The following ENDOU variants were observed in gnomAD, a reference collection of about 807,000 sequenced individuals.
ENDOU encodes the protein uridylate-specific endoribonuclease.
In ENDOU, 49 loss-of-function variants were observed where a neutral mutation model predicts 54.2. That is an observed-to-expected ratio of 0.90 (90% CI 0.72 to 1.15). The LOEUF is 1.15. ENDOU is among the 50% of genes most tolerant of loss of function. ENDOU has a pLI of 0.00. For missense variants in ENDOU, 458 were observed against 511.4 expected (o/e 0.90, Z 1.01); for synonymous variants, 172 against 190.5 (o/e 0.90, Z 0.80).
chr12:47,710,979 C>G (rs1219095672), intron 9 of ENDOU, 60 bp from the exon 10 acceptor site: 1 of 1,175,218 alleles, frequency 8.5e-7, no homozygotes, highest in Non-Finnish European at 1.2e-6. Flanking sequence ...TCTCCCTGGG[C>G]TGGAAGGATC....
chr12:47,725,432 A>G lies in ENDOU; in HGVS notation c.-19T>C, dbSNP rs1940555597. On this transcript the variant is annotated 5_prime_UTR_variant, in exon 1 of 10. Transcript: ENST00000422538. The stretch of plus-strand genomic sequence containing the variant: ...CCCTCATGGTGCCCAGTTGGAGGCC[A>G]AAAAGGGAGTGGCTGTTGGACTTTC... The G allele has an allele frequency of 6.2e-7, 1 of 1,612,352 alleles. No individual in the cohort carries two copies. Among genetic ancestry groups the G allele is most frequent in the Non-Finnish European group, 8.5e-7 (1 of 1,178,684 alleles).
chr12:47,711,878 T>C, intron 8 of ENDOU, 103 bp from the exon 9 acceptor site: 1 of 1,295,510 alleles, frequency 7.7e-7, no homozygotes, highest in Non-Finnish European at 1.1e-6. Context: ...GAGGGTCCAT[T>C]AGGGGCCTGT....
chr12:47,723,604 C>A (rs1209955719), intron 1 of ENDOU, among the ~76,000 whole-genome samples: 1 of 152,178 alleles, frequency 6.6e-6, no homozygotes, highest in Non-Finnish European at 1.5e-5. Context: ...TTTCTCTGCA[C>A]TTTCTAAGAC....
chr12:47,717,005 CAG>C lies in ENDOU; in HGVS notation c.434_435del (p.Ser145Ter). ...TTGGTGTCTGCCCTGTAGATCTTCT[CAG>C]AGATGCTCTGAATCTCCTCTTTTGT... ...AITKEEIQSI[S>X]EKIYRADTNK... On this transcript the variant is annotated frameshift_variant, in exon 5 of 10. Coordinates refer to ENST00000422538, the MANE Select transcript of ENDOU (RefSeq NM_001172439.2). LOFTEE classifies it high-confidence loss of function. The C allele has an allele frequency of 6.2e-7, 1 of 1,614,124 alleles. No individual in the cohort carries two copies. Among genetic ancestry groups the C allele is most frequent in the South Asian group, 1.1e-5 (1 of 91,078 alleles).
chr12:47,723,446 C>T (rs1940496191), intron 1 of ENDOU, among the ~76,000 whole-genome samples: 1 of 152,160 alleles, frequency 6.6e-6, no homozygotes, highest in Non-Finnish European at 1.5e-5. Context: ...GTAAGCCTTG[C>T]TCCCCAAGCC....
chr12:47,711,634 CTT>C lies in ENDOU; in HGVS notation c.1112_1113del (p.Lys371SerfsTer63). ...YSLCFIARPG[K>X]VCQLSLGGYP... ...AGGCCTGGCTGGCCCCATTCTTACA[CTT>C]TGCCTGGCCTGGCGATGAAGCACAG... On this transcript the variant is annotated frameshift_variant and splice_region_variant, in exon 9 of 10. Coordinates refer to ENST00000422538, the MANE Select transcript of ENDOU (RefSeq NM_001172439.2). LOFTEE classifies it high-confidence loss of function. The C allele has an allele frequency of 6.2e-7, 1 of 1,613,132 alleles. No homozygotes were observed.
intron 7 of ENDOU, among the ~76,000 whole-genome samples, chr12:47,712,866 C>T (rs1940079918): frequency 6.6e-6 from 1 of 152,130 alleles, no homozygotes; most frequent in Non-Finnish European, 1.5e-5. Context: ...CTCTCTCAGC[C>T]ATTACTCCAG....
rs552638856 is a variant in ENDOU, at chr12:47,720,878, A to G, written c.56-3T>C. The G allele has an allele frequency of 2.0e-5, 30 of 1,535,992 alleles. No homozygotes were observed. The South Asian group carries it at 2.0e-4, about 10-fold the overall frequency. ...AGATGCACAGGATTCTATTTTTCCT[A>G]TGGGCAGTAAAGGTCACCAACTCAG... On this transcript the variant is annotated splice_region_variant and splice_polypyrimidine_tract_variant and intron_variant, in intron 1 of 9. Coordinates refer to ENST00000422538, the MANE Select transcript of ENDOU (RefSeq NM_001172439.2).
chr12:47,716,083 C>G (rs531843761), intron 6 of ENDOU, among the ~76,000 whole-genome samples: 1 of 152,200 alleles, frequency 6.6e-6, no homozygotes, highest in South Asian at 2.1e-4. Flanking sequence ...GGGTGATATC[C>G]AAGCCAGCCA....
chr12:47,723,470 A>C (rs1253938912), intron 1 of ENDOU, among the ~76,000 whole-genome samples: 1 of 152,160 alleles, frequency 6.6e-6, no homozygotes, highest in Non-Finnish European at 1.5e-5. Context: ...TGCCTGAATC[A>C]CTGCTGTAGT....
chr12:47,716,508 G>T lies in ENDOU; in HGVS notation c.552-9C>A, dbSNP rs1464636534. On this transcript the variant is annotated splice_polypyrimidine_tract_variant and intron_variant, in intron 5 of 9. Coordinates refer to ENST00000422538, the MANE Select transcript of ENDOU (RefSeq NM_001172439.2). ...TGACATAAGTGAAGAGTCTGGGGGA[G>T]GCAGAGGGGAGCCCCACTGAGAGCC... 1.9e-6 allele frequency: 3 copies of T among 1,612,588 alleles called. No homozygotes were observed. Among genetic ancestry groups the T allele is most frequent in the African/African-American group, 1.3e-5 (1 of 74,882 alleles).
chr12:47,721,731 TAAGAC>T (rs1204629659), intron 1 of ENDOU, among the ~76,000 whole-genome samples: 4 of 152,328 alleles, frequency 2.6e-5, no homozygotes, highest in Middle Eastern at 3.4e-3. Flanking sequence ...GCAAGGGACA[TAAGAC>T]AAGACATTTT....
At chr12:47,720,652 G>T in intron 2 of ENDOU, 101 bp downstream of exon 2, 1 of 1,310,100 alleles carries the variant, frequency 7.6e-7, no homozygotes, top group Non-Finnish European at 1.0e-6. Flanking sequence ...CAGACCCTTA[G>T]AGCCCCTGTG....
chr12:47,720,931 G>T, intron 1 of ENDOU, 56 bp from the exon 2 acceptor site: 2 of 1,526,586 alleles, frequency 1.3e-6, no homozygotes, highest in Non-Finnish European at 1.8e-6. Context: ...TCTCCCCAGG[G>T]TGCCTCCTGC....
In ENDOU at chr12:47,711,711, C is replaced by T; in HGVS notation, c.1037G>A (p.Gly346Asp). 3 of 1,614,156 alleles carry T rather than the reference C, an allele frequency of 1.9e-6. No homozygotes were observed. Among genetic ancestry groups the T allele is most frequent in the Non-Finnish European group, 8.5e-7 (1 of 1,180,032 alleles). The change falls in exon 9 of 10, where the codon GGC becomes GAC. Residue 346 changes from glycine (G) to aspartate (D), a missense_variant. Gly to Asp is a moderately conservative substitution (Grantham distance 94). Coordinates refer to ENST00000422538, the MANE Select transcript of ENDOU (RefSeq NM_001172439.2). ...FNWDGYYKEVGSAFIGSSPEF... is the reference protein window; with the variant it reads ...FNWDGYYKEVDSAFIGSSPEF... ...AGGGCTGCTGCCGATGAAAGCAGAG[C>T]CCACTTCCTTATAGTAGCCGTCCCA...
At chr12:47,723,639 C>T (rs1386405931) in intron 1 of ENDOU, among the ~76,000 whole-genome samples, 1 of 152,168 alleles carries the variant, frequency 6.6e-6, no homozygotes, top group Non-Finnish European at 1.5e-5. Context: ...ACAGCCACTC[C>T]CTATCCATAC....
At chr12:47,717,689 C>T (rs1028668673) in intron 3 of ENDOU, 34 bp from the exon 4 acceptor site, 1 of 1,606,290 alleles carries the variant, frequency 6.2e-7, no homozygotes, top group African/African-American at 1.3e-5. Context: ...CCCGGGCTGA[C>T]CTCTAGAGGT....
intron 1 of ENDOU, among the ~76,000 whole-genome samples, chr12:47,724,815 T>C (rs1940535168): frequency 1.3e-5 from 2 of 152,182 alleles, no homozygotes; most frequent in Non-Finnish European, 2.9e-5. Flanking sequence ...CAGAGATCCA[T>C]TCCTCTGACC....
At chr12:47,725,319 G>A (rs139677217) in intron 1 of ENDOU, 40 bp downstream of exon 1, 52 of 1,609,388 alleles carry the variant, frequency 3.2e-5, no homozygotes, top group Middle Eastern at 1.7e-4. Flanking sequence ...GCAAGATCCC[G>A]CCCCACCAGC....
Sources: gnomAD v4.1 joint callset for allele counts (sites outside exome capture counted in the v4.1 genomes callset) on GRCh38, gnomAD v4.1.1 for gene constraint, MANE v1.5 for transcripts, NCBI Gene and HGNC (gene_info 2026-07-23, HGNC 2026-07-21) for gene names.